Variants in EPC1 observed in about 807,000 individuals in gnomAD.
The protein encoded by EPC1 is enhancer of polycomb 1.
A neutral mutation model predicts 98.4 loss-of-function variants in EPC1; 12 were observed. The observed-to-expected ratio is 0.12, with a 90% CI of 0.08 to 0.20. The LOEUF is 0.20. Ranked by LOEUF, EPC1 falls within the 10% of genes least tolerant of loss-of-function variation. EPC1 has a pLI of 1.00. For synonymous variants in EPC1, 357 were observed against 363.9 expected, an observed-to-expected ratio of 0.98 and a Z score of 0.21; for missense variants, 729 against 990.5, an observed-to-expected ratio of 0.74 and a Z score of 3.54.
intron 1 of EPC1, among the ~76,000 whole-genome samples, chr10:32,364,236 G>C (rs1250331633): frequency 7.9e-6 from 1 of 127,242 alleles, no homozygotes; most frequent in Non-Finnish European, 1.8e-5. Flanking sequence ...TAGAGACCAT[G>C]TTGGCCAGGC....
In EPC1 at chr10:32,271,874, T is replaced by C; in HGVS notation, c.2049A>G (p.Ala683=). 1 of 1,614,172 alleles carries C rather than the reference T, an allele frequency of 6.2e-7. No homozygotes were observed. Among genetic ancestry groups the C allele is most frequent in the Non-Finnish European group, 8.5e-7 (1 of 1,180,030 alleles). ...CCGTTGATGGACTTGTATGTACAAG[T>C]GCTGTTGGTGTAGTACTACTGAGGT... ...GLHLSSTTPT[A]LVHTSPSTAG... Residue 683 remains alanine, a synonymous_variant, in exon 13 of 14, where the codon GCA becomes GCG. Transcript: ENST00000319778.
At chr10:32,356,962 G>C (rs76910595) in intron 1 of EPC1, among the ~76,000 whole-genome samples, 4,965 of 152,160 alleles carry the variant, frequency 0.033, 268 homozygotes, top group African/African-American at 0.11. Flanking sequence ...GCCTGGGCGA[G>C]GGAGCGAGAC....
intron 13 of EPC1, chr10:32,269,359 T>G (rs1240455715): frequency 2.4e-6 from 1 of 415,066 alleles, no homozygotes; most frequent in East Asian, 4.5e-5. Flanking sequence ...ACCATCAAAA[T>G]TATAGTAGTA....
chr10:32,339,040 C>G (rs953671483), intron 1 of EPC1, among the ~76,000 whole-genome samples: 3 of 152,058 alleles, frequency 2.0e-5, no homozygotes, highest in Non-Finnish European at 2.9e-5. Flanking sequence ...CTGACTACTG[C>G]ATCCAATTAC....
intron 1 of EPC1, among the ~76,000 whole-genome samples, chr10:32,368,498 G>T (rs77877305): frequency 6.6e-6 from 1 of 152,240 alleles, no homozygotes; most frequent in South Asian, 2.1e-4. Flanking sequence ...CAAGGTTCCA[G>T]TCAAAACTAC....
chr10:32,335,470 A>G (rs1015873741), intron 1 of EPC1, among the ~76,000 whole-genome samples: 8 of 108,144 alleles, frequency 7.4e-5, no homozygotes, highest in African/African-American at 2.4e-4. Flanking sequence ...AATACTCCCC[A>G]TCGCCCTTTC....
intron 2 of EPC1, 73 bp downstream of exon 2, chr10:32,305,699 G>T: frequency 7.7e-7 from 1 of 1,301,178 alleles, no homozygotes; most frequent in Non-Finnish European, 1.0e-6. Flanking sequence ...CGCTCCTGAA[G>T]AGATAAAAAT....
intron 1 of EPC1, among the ~76,000 whole-genome samples, chr10:32,339,424 A>G (rs1838188514): frequency 6.6e-6 from 1 of 152,172 alleles, no homozygotes; most frequent in African/African-American, 2.4e-5. Context: ...ACACACCTGT[A>G]GCCCCAGCTA....
At chr10:32,322,225 A>T (rs2490507) in intron 1 of EPC1, among the ~76,000 whole-genome samples, 105,359 of 151,332 alleles carry the variant, frequency 0.7, 36,766 homozygotes, top group Middle Eastern at 0.78. Flanking sequence ...CTTAATATAC[A>T]CAAAAATAGA....
At chr10:32,307,678 T>C (rs1234547692) in intron 1 of EPC1, among the ~76,000 whole-genome samples, 1 of 152,200 alleles carries the variant, frequency 6.6e-6, no homozygotes, top group Non-Finnish European at 1.5e-5. Context: ...ATCTTCTACT[T>C]TGGTAGTCTA....
intron 1 of EPC1, among the ~76,000 whole-genome samples, chr10:32,374,821 G>A (rs1839838792): frequency 6.6e-6 from 1 of 152,124 alleles, no homozygotes; most frequent in Middle Eastern, 3.4e-3. Context: ...TTGCATCATA[G>A]CATCTTATCA....
Position 32,347,099 on chromosome 10 carries a change from C to G in EPC1, c.-184G>C. 4 of 1,440,932 alleles carry G rather than the reference C, an allele frequency of 2.8e-6. No individual in the cohort carries two copies. The highest frequency in any genetic ancestry group is 2.7e-6 in the Non-Finnish European group (3 of 1,103,470). 89.3% of individuals were successfully genotyped at this position (1,440,932 alleles called of 1,614,324 possible). On this transcript the variant is annotated 5_prime_UTR_variant, in exon 1 of 14. Transcript: ENST00000319778. ...TGGGAGGCTGTGCCGCTCCGCTCCT[C>G]TCTCGCTCGCTCTCTTCAATACGCC...
intron 1 of EPC1, among the ~76,000 whole-genome samples, chr10:32,366,638 A>C (rs889119923): frequency 2.0e-5 from 3 of 152,184 alleles, no homozygotes; most frequent in Non-Finnish European, 4.4e-5. Flanking sequence ...TATAGTGATA[A>C]ATATGAGGTA....
At chr10:32,327,155 G>A (rs1240764972) in intron 1 of EPC1, among the ~76,000 whole-genome samples, 2 of 151,782 alleles carry the variant, frequency 1.3e-5, no homozygotes, top group Non-Finnish European at 1.5e-5. Flanking sequence ...CAACACAGAT[G>A]AGCCTAGGAG....
intron 1 of EPC1, chr10:32,378,471 G>A: frequency 6.5e-7 from 1 of 1,542,320 alleles, no homozygotes; most frequent in Non-Finnish European, 8.8e-7. Flanking sequence ...TGACATAAAT[G>A]GTGAAAATTA....
chr10:32,344,800 AG>A (rs1413282960), intron 1 of EPC1, among the ~76,000 whole-genome samples: 1 of 152,168 alleles, frequency 6.6e-6, no homozygotes, highest in Non-Finnish European at 1.5e-5. Context: ...AAAGAAAAGA[AG>A]AAAAATCTAA....
intron 1 of EPC1, chr10:32,345,202 A>C (rs1838681041): frequency 2.0e-6 from 2 of 985,218 alleles, no homozygotes; most frequent in South Asian, 4.7e-5. Flanking sequence ...TACAAGTAAA[A>C]TAAATTAAGA....
chr10:32,358,516 A>T (rs1839345659), intron 1 of EPC1, among the ~76,000 whole-genome samples: 1 of 151,636 alleles, frequency 6.6e-6, no homozygotes, highest in African/African-American at 2.4e-5. Flanking sequence ...GTGGTGGTGC[A>T]CACCTGTAGT....
chr10:32,364,186 G>A (rs1839530333), intron 1 of EPC1, among the ~76,000 whole-genome samples: 1 of 139,060 alleles, frequency 7.2e-6, no homozygotes, highest in South Asian at 2.5e-4. Context: ...GCTAATTTTT[G>A]TATTTTTAGT....
Sources: gnomAD v4.1 joint callset for allele counts (sites outside exome capture counted in the v4.1 genomes callset) on GRCh38, gnomAD v4.1.1 for gene constraint, MANE v1.5 for transcripts, NCBI Gene and HGNC (gene_info 2026-07-23, HGNC 2026-07-21) for gene names.